The following PRKCA variants were observed in gnomAD, a reference collection of about 807,000 sequenced individuals.
PRKCA encodes the protein protein kinase C alpha.
PRKCA carries 27 observed loss-of-function variants against 87.0 expected under a neutral mutation model. That is an observed-to-expected ratio of 0.31 (90% CI 0.23 to 0.43). The LOEUF (loss-of-function observed/expected upper bound fraction) is 0.43. Among genes scored for constraint, PRKCA ranks in the 20% least tolerant of loss-of-function variants. The probability of loss-of-function intolerance (pLI) is 1.00; values close to 1 mark genes in which losing one functional copy is unlikely to be tolerated. For synonymous variants in PRKCA, 329 were observed against 311.1 expected, an observed-to-expected ratio of 1.06 and a Z score of -0.61; for missense variants, 518 against 852.3, an observed-to-expected ratio of 0.61 and a Z score of 4.88.
At chr17:66,501,044 C>CT (rs1371674488) in intron 3 of PRKCA, among the ~76,000 whole-genome samples, 1 of 152,002 alleles carries the variant, frequency 6.6e-6, no homozygotes. Flanking sequence ...TTGGCAGACT[C>CT]TAACACATTC....
intron 10 of PRKCA, among the ~76,000 whole-genome samples, chr17:66,736,815 A>G (rs529200671): frequency 1.3e-5 from 2 of 152,276 alleles, no homozygotes; most frequent in Admixed American, 1.3e-4. Flanking sequence ...GCATCCATAA[A>G]CAGCTGTTTT....
At chr17:66,624,446 G>C (rs771768746) in intron 3 of PRKCA, among the ~76,000 whole-genome samples, 1 of 152,152 alleles carries the variant, frequency 6.6e-6, no homozygotes, top group Non-Finnish European at 1.5e-5. Flanking sequence ...CTGGGCAGAG[G>C]GTTCTAAATT....
intron 2 of PRKCA, among the ~76,000 whole-genome samples, chr17:66,465,316 G>A (rs369848616): frequency 2.5e-4 from 38 of 152,198 alleles, no homozygotes; most frequent in African/African-American, 8.7e-4. Flanking sequence ...TGATAGCATC[G>A]GGTAATTCTT....
At chr17:66,593,720 C>T (rs1023781663) in intron 3 of PRKCA, among the ~76,000 whole-genome samples, 1 of 152,224 alleles carries the variant, frequency 6.6e-6, no homozygotes, top group Non-Finnish European at 1.5e-5. Context: ...TTCCAATGTT[C>T]TGCCCATCTT....
chr17:66,618,944 T>A (rs1970592349), intron 3 of PRKCA, among the ~76,000 whole-genome samples: 1 of 152,154 alleles, frequency 6.6e-6, no homozygotes, highest in Non-Finnish European at 1.5e-5. Flanking sequence ...CTTGAGACTT[T>A]CCCCAGGAAA....
rs115721375 is a variant in PRKCA at position 66,385,327 on chromosome 17, G to A, written c.205+79200G>A. Among the ~76,000 whole-genome samples the A allele has an allele frequency of 2.9e-3, 449 of 152,290 alleles. 2 individuals are homozygous for A. The highest frequency in any genetic ancestry group is 0.01 in the African/African-American group (427 of 41,548). On this transcript the variant is annotated intron_variant, in intron 2 of 16. Coordinates refer to ENST00000413366, the MANE Select transcript of PRKCA (RefSeq NM_002737.3). The stretch of plus-strand genomic sequence containing the variant: ...TTTGTATGTGCTATAGAAGGAATTC[G>A]AAGACAGTTTACTTTTTGTCATTTT...
At chr17:66,594,017 A>C (rs551533777) in intron 3 of PRKCA, among the ~76,000 whole-genome samples, 1 of 152,346 alleles carries the variant, frequency 6.6e-6, no homozygotes, top group South Asian at 2.1e-4. Context: ...CCTGGGAAGC[A>C]GAGGTTGCAG....
At chr17:66,609,378 A>G (rs948922786) in intron 3 of PRKCA, among the ~76,000 whole-genome samples, 3 of 152,190 alleles carry the variant, frequency 2.0e-5, no homozygotes. Flanking sequence ...GGTGCTGAAA[A>G]GTGTAATGCG....
At chr17:66,330,347 TC>T (rs961910760) in intron 2 of PRKCA, among the ~76,000 whole-genome samples, 9 of 152,042 alleles carry the variant, frequency 5.9e-5, no homozygotes, top group Admixed American at 3.9e-4. Context: ...CCTCAGGTGA[TC>T]CCCCTGCCTC....
intron 13 of PRKCA, among the ~76,000 whole-genome samples, chr17:66,761,658 A>G (rs1468875508): frequency 1.3e-5 from 2 of 151,752 alleles, no homozygotes; most frequent in African/African-American, 4.8e-5. Flanking sequence ...TCCTGACCTC[A>G]AGTAATCTGC....
chr17:66,344,708 T>C (rs1907251681), intron 2 of PRKCA, among the ~76,000 whole-genome samples: 1 of 152,184 alleles, frequency 6.6e-6, no homozygotes, highest in Non-Finnish European at 1.5e-5. Context: ...ACTCCAGAGC[T>C]TTCTTTTTGT....
intron 5 of PRKCA, among the ~76,000 whole-genome samples, chr17:66,685,316 G>C (rs1301709527): frequency 6.6e-6 from 1 of 152,168 alleles, no homozygotes; most frequent in Non-Finnish European, 1.5e-5. Context: ...GCTTCCCAGT[G>C]CTCAGGGTTA....
chr17:66,355,042 G>A (rs554317408), intron 2 of PRKCA, among the ~76,000 whole-genome samples: 3 of 152,308 alleles, frequency 2.0e-5, no homozygotes, highest in South Asian at 2.1e-4. Context: ...CAGAGTGAAC[G>A]TGGAAATGAT....
intron 2 of PRKCA, among the ~76,000 whole-genome samples, chr17:66,456,562 C>G (rs1169465213): frequency 6.6e-6 from 1 of 152,168 alleles, no homozygotes; most frequent in Non-Finnish European, 1.5e-5. Flanking sequence ...CTAAAACTCT[C>G]GAACATCTAG....
intron 2 of PRKCA, among the ~76,000 whole-genome samples, chr17:66,444,779 A>G (rs917096841): frequency 1.3e-5 from 2 of 152,062 alleles, no homozygotes; most frequent in Non-Finnish European, 2.9e-5. Flanking sequence ...GTCAAAAGAT[A>G]CTCCCACTTC....
At chr17:66,794,609 TG>T (rs137916436) in intron 16 of PRKCA, among the ~76,000 whole-genome samples, 4,135 of 149,804 alleles carry the variant, frequency 0.028, 235 homozygotes, top group African/African-American at 0.095. Flanking sequence ...TTTTGTTTTT[TG>T]GGGGGGGTTT....
intron 8 of PRKCA, among the ~76,000 whole-genome samples, chr17:66,694,410 G>A (rs1231350287): frequency 6.7e-6 from 1 of 150,268 alleles, no homozygotes; most frequent in African/African-American, 2.5e-5. Flanking sequence ...GAACCCAGGA[G>A]GTGGAGGTTG....
chr17:66,659,596 A>G (rs930620517), intron 5 of PRKCA, among the ~76,000 whole-genome samples: 8 of 152,210 alleles, frequency 5.3e-5, no homozygotes, highest in African/African-American at 1.9e-4. Flanking sequence ...AATAAAAATT[A>G]GCCGGGCATG....
intron 8 of PRKCA, among the ~76,000 whole-genome samples, chr17:66,731,759 G>T (rs546182614): frequency 6.7e-6 from 1 of 150,046 alleles, no homozygotes; most frequent in South Asian, 2.1e-4. Flanking sequence ...CGCAAAGGGC[G>T]CCTTGTGCTC....
Sources: gnomAD v4.1 joint callset for allele counts (sites outside exome capture counted in the v4.1 genomes callset) on GRCh38, gnomAD v4.1.1 for gene constraint, MANE v1.5 for transcripts, NCBI Gene and HGNC (gene_info 2026-07-23, HGNC 2026-07-21) for gene names.